The following GSG1L variants were observed in gnomAD, a reference collection of about 807,000 sequenced individuals.
GSG1L encodes the protein GSG1 like.
In GSG1L, 24 loss-of-function variants were observed where a neutral mutation model predicts 42.1. The ratio of observed to expected loss-of-function variants is 0.57; its 90% CI spans 0.41 to 0.80. The LOEUF (loss-of-function observed/expected upper bound fraction) is 0.80. Among genes scored for constraint, GSG1L ranks in the 30% least tolerant of loss-of-function variants. The pLI is 0.00. For missense variants in GSG1L, 445 were observed against 472.2 expected (o/e 0.94, Z 0.53); for synonymous variants, 215 against 203.5 (o/e 1.06, Z -0.48).
intron 2 of GSG1L, among the ~76,000 whole-genome samples, chr16:27,926,594 C>T (rs2084595715): frequency 1.3e-5 from 2 of 152,038 alleles, no homozygotes; most frequent in African/African-American, 4.8e-5. Flanking sequence ...GGGGCTGAGG[C>T]AGGAAAATTG....
At position 27,884,520 on chromosome 16, in the gene GSG1L, G is replaced by C; in HGVS notation, c.516C>G (p.Leu172=). Residue 172 remains leucine, a synonymous_variant, in exon 3 of 7, where the codon CTC becomes CTG. Coordinates refer to ENST00000447459, the MANE Select transcript of GSG1L (RefSeq NM_001109763.2). This position sits in a 1 kb window ranked among gnomAD's most constrained non-coding sequence, Gnocchi z 4.4. ...CCGTGAAGACAGCCGCGAAGGCATT[G>C]AGCTTGAGCCCGTCGATGACATTGC... The part of the protein sequence containing the change: ...HSSNVIDGLK[L]NAFAAVFTVL... 6.2e-7 allele frequency: 1 copy of C among 1,613,932 alleles called. No homozygotes were observed. Among genetic ancestry groups the C allele is most frequent in the Non-Finnish European group, 8.5e-7 (1 of 1,179,958 alleles).
intron 1 of GSG1L, among the ~76,000 whole-genome samples, chr16:27,976,159 C>T (rs911787981): frequency 6.6e-6 from 1 of 152,098 alleles, no homozygotes; most frequent in Non-Finnish European, 1.5e-5. Context: ...CCTGTAATCC[C>T]GGCTACTCAG....
intron 5 of GSG1L, among the ~76,000 whole-genome samples, chr16:27,813,971 C>A (rs534945362): frequency 1.3e-5 from 2 of 152,096 alleles, no homozygotes; most frequent in African/African-American, 2.4e-5. Flanking sequence ...ACAACAGTAA[C>A]GACCGCTGCC....
intron 2 of GSG1L, among the ~76,000 whole-genome samples, chr16:27,960,714 TGGG>T (rs1311690067): frequency 1.3e-5 from 2 of 151,992 alleles, no homozygotes; most frequent in African/African-American, 4.8e-5. Flanking sequence ...CCCGTATACA[TGGG>T]GGGAGGCCAC....
At chr16:27,866,473 A>G (rs994571541) in intron 3 of GSG1L, among the ~76,000 whole-genome samples, 2 of 152,192 alleles carry the variant, frequency 1.3e-5, no homozygotes, top group Non-Finnish European at 2.9e-5. Flanking sequence ...GAAAGATGGA[A>G]AATTTGGCCC....
rs186243166 is a variant in GSG1L at position 27,926,799 on chromosome 16, G to A, written c.397+36357C>T. 4.7e-4 allele frequency among the ~76,000 whole-genome samples: 72 copies of A among 152,342 alleles called. 1 individual carries two copies. Among genetic ancestry groups the A allele is most frequent in the Admixed American group, 4.6e-3 (70 of 15,304 alleles). Reference sequence around the variant, plus strand: ...GCGCTTAGCAGTATGAAGGAGTCACGTAAGTCAAGATAGCATAGAGGGCTG... The same window carrying A: ...GCGCTTAGCAGTATGAAGGAGTCACATAAGTCAAGATAGCATAGAGGGCTG... On this transcript the variant is annotated intron_variant, in intron 2 of 6. Coordinates refer to ENST00000447459, the MANE Select transcript of GSG1L (RefSeq NM_001109763.2).
At chr16:27,806,488 C>T (rs2082964011) in intron 6 of GSG1L, among the ~76,000 whole-genome samples, 2 of 152,172 alleles carry the variant, frequency 1.3e-5, no homozygotes, top group South Asian at 4.1e-4. Context: ...GGAAATTGGG[C>T]AGAGAGGAAA....
At chr16:27,897,156 G>A (rs767604613) in intron 2 of GSG1L, among the ~76,000 whole-genome samples, 1 of 152,166 alleles carries the variant, frequency 6.6e-6, no homozygotes, top group Non-Finnish European at 1.5e-5. Context: ...GGGCCACCAC[G>A]CCCAGCCAAC....
intron 5 of GSG1L, among the ~76,000 whole-genome samples, chr16:27,818,987 C>T (rs1049418803): frequency 6.6e-6 from 1 of 152,252 alleles, no homozygotes; most frequent in East Asian, 1.9e-4. Context: ...CGGTGGCTCA[C>T]GCCTGTAATC....
intron 2 of GSG1L, among the ~76,000 whole-genome samples, chr16:27,950,802 G>C (rs1364784302): frequency 6.6e-6 from 1 of 152,098 alleles, no homozygotes; most frequent in African/African-American, 2.4e-5. Flanking sequence ...TTTTGCACAG[G>C]CTGTTCATTC....
chr16:27,866,320 T>C (rs2083724471), intron 3 of GSG1L, among the ~76,000 whole-genome samples: 1 of 152,188 alleles, frequency 6.6e-6, no homozygotes, highest in Non-Finnish European at 1.5e-5. Flanking sequence ...ACCAATTCTG[T>C]TACAGTCATC....
chr16:27,916,216 A>C (rs1295110836), intron 2 of GSG1L, among the ~76,000 whole-genome samples: 1 of 152,098 alleles, frequency 6.6e-6, no homozygotes. Context: ...CTCTGGGGAG[A>C]CCACACCCCT....
At chr16:27,957,073 G>T (rs985979549) in intron 2 of GSG1L, among the ~76,000 whole-genome samples, 8 of 152,222 alleles carry the variant, frequency 5.3e-5, no homozygotes, top group African/African-American at 1.9e-4. Context: ...CATCAACTGG[G>T]TGCGGTGGCT....
chr16:27,979,352 G>A (rs148496835), intron 1 of GSG1L, among the ~76,000 whole-genome samples: 2,161 of 151,930 alleles, frequency 0.014, 49 homozygotes, highest in African/African-American at 0.049. Flanking sequence ...GATCACCTGA[G>A]GTCAGGAGTT....
At chr16:28,062,679 G>A (rs1047434760) in intron 1 of GSG1L, among the ~76,000 whole-genome samples, 73 of 152,284 alleles carry the variant, frequency 4.8e-4, no homozygotes, top group African/African-American at 1.7e-3. Context: ...GGGTGGGTGG[G>A]GGCATCTAGT....
At chr16:27,803,794 TAGATAG>T (rs768539415) in intron 6 of GSG1L, among the ~76,000 whole-genome samples, 15,871 of 68,146 alleles carry the variant, frequency 0.23, 1,245 homozygotes, top group Non-Finnish European at 0.3. Context: ...TATATATATA[TAGATAG>T]ATAGATATAG....
At chr16:27,906,584 CT>C (rs777708431) in intron 2 of GSG1L, among the ~76,000 whole-genome samples, 12 of 152,166 alleles carry the variant, frequency 7.9e-5, no homozygotes, top group Non-Finnish European at 1.6e-4. Flanking sequence ...CCTGCTCCCC[CT>C]GAAATGTTCT....
intron 2 of GSG1L, among the ~76,000 whole-genome samples, chr16:27,933,868 C>T (rs2084684046): frequency 6.6e-6 from 1 of 152,166 alleles, no homozygotes; most frequent in South Asian, 2.1e-4. Context: ...CGTAGCTGCT[C>T]AGGGCTGGGC....
At chr16:27,944,110 G>T (rs955062873) in intron 2 of GSG1L, among the ~76,000 whole-genome samples, 2 of 152,276 alleles carry the variant, frequency 1.3e-5, no homozygotes, top group South Asian at 4.1e-4. Context: ...GGTTACAGGG[G>T]CTTCTGGGAG....
Sources: gnomAD v4.1 joint callset for allele counts (sites outside exome capture counted in the v4.1 genomes callset) on GRCh38, gnomAD v4.1.1 for gene constraint, Gnocchi (gnomAD v3.1) non-coding constraint, MANE v1.5 for transcripts, NCBI Gene and HGNC (gene_info 2026-07-23, HGNC 2026-07-21) for gene names.